The following RGS6 variants were observed in gnomAD, a reference collection of about 807,000 sequenced individuals.
RGS6 encodes the protein regulator of G protein signaling 6.
In RGS6, 30 loss-of-function variants were observed where a neutral mutation model predicts 78.5. The ratio of observed to expected loss-of-function variants is 0.38; its 90% CI spans 0.29 to 0.52. The LOEUF (loss-of-function observed/expected upper bound fraction) is 0.52, where lower values mean the gene tolerates loss of function less well. RGS6 is among the 20% of genes least tolerant of loss of function. The probability of loss-of-function intolerance (pLI) is 0.85; values close to 1 mark genes in which losing one functional copy is unlikely to be tolerated. For missense variants in RGS6, 495 were observed against 609.7 expected (o/e 0.81, Z 1.98); for synonymous variants, 206 against 206.0 (o/e 1.00, Z 0.00).
At chr14:72,045,105 C>A (rs2092729370) in intron 2 of RGS6, among the ~76,000 whole-genome samples, 1 of 152,174 alleles carries the variant, frequency 6.6e-6, no homozygotes, top group African/African-American at 2.4e-5. Flanking sequence ...ACTTCCCAGC[C>A]TCCATAATCA....
At chr14:72,247,719 A>G (rs1353519945) in intron 2 of RGS6, among the ~76,000 whole-genome samples, 2 of 152,220 alleles carry the variant, frequency 1.3e-5, no homozygotes, top group East Asian at 3.8e-4. Flanking sequence ...GATTAATGCC[A>G]TTATCTTGGG....
At chr14:71,869,926 C>T in the RGS6 span, among the ~76,000 whole-genome samples, 2 of 152,196 alleles carry the variant, frequency 1.3e-5, no homozygotes, top group Non-Finnish European at 2.9e-5. Context: ...GATGACATAG[C>T]AAGAAGTCGC....
Position 71,948,608 on chromosome 14 carries a change from G to A in RGS6, c.-21+15667G>A, listed in dbSNP as rs560341772. On this transcript the variant is annotated intron_variant, in intron 1 of 17. Coordinates refer to ENST00000553525, the MANE Select transcript of RGS6 (RefSeq NM_001204424.2). ...ATTTTCAAGCAGTAAACACATCCAT[G>A]TTATCTCTCTGAGATCAAGAAAGAG... 9.8e-4 allele frequency among the ~76,000 whole-genome samples: 149 copies of A among 152,164 alleles called. 1 individual carries two copies. The highest frequency in any genetic ancestry group is 3.4e-3 in the African/African-American group (140 of 41,518).
the RGS6 span, among the ~76,000 whole-genome samples, chr14:71,917,222 T>C: frequency 4.6e-5 from 7 of 152,206 alleles, no homozygotes; most frequent in Non-Finnish European, 8.8e-5. Context: ...TGGACTGTCC[T>C]GCCAGCTGTG....
At chr14:72,029,434 G>A (rs1279313390) in intron 2 of RGS6, among the ~76,000 whole-genome samples, 3 of 152,222 alleles carry the variant, frequency 2.0e-5, no homozygotes, top group Non-Finnish European at 4.4e-5. Context: ...AGTATCTAGA[G>A]TACCTCATGT....
intron 2 of RGS6, among the ~76,000 whole-genome samples, chr14:72,001,893 A>ATT (rs1566994305): frequency 1.0e-5 from 1 of 100,448 alleles, no homozygotes; most frequent in Non-Finnish European, 1.9e-5. Flanking sequence ...ACATCCATTA[A>ATT]TCTTTTTTTT....
chr14:72,362,141 C>T (rs78426066), intron 3 of RGS6, among the ~76,000 whole-genome samples: 2,666 of 152,034 alleles, frequency 0.018, 29 homozygotes, highest in Non-Finnish European at 0.026. Context: ...TAGTCACAGA[C>T]GATATAAAGA....
rs574159633 is a variant in RGS6 at position 72,093,379 on chromosome 14, A to C, written c.84+128504A>C. On this transcript the variant is annotated intron_variant, in intron 2 of 17. Transcript: ENST00000553525. ...TACCTCAGCCTCTTGAGTAGCTGGG[A>C]CTAAAGGTGCATGCCACCACGCCCA... Among the ~76,000 whole-genome samples the C allele has an allele frequency of 2.5e-3, 384 of 152,194 alleles. 2 individuals are homozygous for C. The highest frequency in any genetic ancestry group is 9.0e-3 in the African/African-American group (374 of 41,538).
At chr14:72,056,503 T>A (rs2093628591) in intron 2 of RGS6, among the ~76,000 whole-genome samples, 1 of 152,224 alleles carries the variant, frequency 6.6e-6, no homozygotes, top group Non-Finnish European at 1.5e-5. Context: ...TATTAAAAAT[T>A]GAGCTTGCAA....
chr14:72,285,139 T>C (rs895955525), intron 2 of RGS6, among the ~76,000 whole-genome samples: 1 of 152,190 alleles, frequency 6.6e-6, no homozygotes, highest in Non-Finnish European at 1.5e-5. Context: ...CTGTGGACTT[T>C]TGAGTTAATC....
At chr14:71,890,730 C>T in the RGS6 span, among the ~76,000 whole-genome samples, 29 of 152,154 alleles carry the variant, frequency 1.9e-4, no homozygotes, top group African/African-American at 6.3e-4. Context: ...ACCCACACAT[C>T]GCATGAGTCA....
chr14:72,420,917 C>T (rs901276681), intron 3 of RGS6: 1 of 152,164 alleles, frequency 6.6e-6, no homozygotes, highest in African/African-American at 2.4e-5. Flanking sequence ...AGCCTTGTGG[C>T]TTTCCAGAGC....
chr14:72,351,182 C>T (rs747271565), intron 2 of RGS6, among the ~76,000 whole-genome samples: 1 of 152,162 alleles, frequency 6.6e-6, no homozygotes, highest in African/African-American at 2.4e-5. Context: ...GAAAATAAAA[C>T]GTGATAATAC....
upstream of RGS6, among the ~76,000 whole-genome samples, chr14:71,930,102 T>G (rs900542092): frequency 6.6e-6 from 1 of 152,234 alleles, no homozygotes; most frequent in South Asian, 2.1e-4. Context: ...CTTTTAGGCC[T>G]TCTCAGTCGA....
At chr14:72,541,430 C>T (rs747788344) in intron 17 of RGS6, 64 of 1,526,912 alleles carry the variant, frequency 4.2e-5, no homozygotes, top group Middle Eastern at 1.7e-4. Context: ...TTCCCTTCCT[C>T]GGTCTTCCCT....
At chr14:72,442,381 TCACTGTTTCC>T (rs2095236497) in intron 3 of RGS6, among the ~76,000 whole-genome samples, 1 of 152,108 alleles carries the variant, frequency 6.6e-6, no homozygotes, top group African/African-American at 2.4e-5. Context: ...CAATCTCTTT[TCACTGTTTCC>T]CATTGATCCC....
chr14:72,474,141 C>T (rs545105759), intron 9 of RGS6: 2 of 152,410 alleles, frequency 1.3e-5, no homozygotes, highest in South Asian at 4.1e-4. Context: ...TTCACAAATG[C>T]AAAATTTGTA....
intron 2 of RGS6, among the ~76,000 whole-genome samples, chr14:72,008,749 T>C (rs2085081313): frequency 6.6e-6 from 1 of 152,186 alleles, no homozygotes; most frequent in Admixed American, 6.5e-5. Context: ...TGTGACCCTC[T>C]AGTTCCAATC....
At chr14:72,107,814 A>G (rs7149780) in intron 2 of RGS6, among the ~76,000 whole-genome samples, 13,537 of 152,174 alleles carry the variant, frequency 0.089, 723 homozygotes, top group East Asian at 0.11. Context: ...AGATTAGAAT[A>G]TGTCATAATT....
Sources: gnomAD v4.1 joint callset for allele counts (sites outside exome capture counted in the v4.1 genomes callset) on GRCh38, gnomAD v4.1.1 for gene constraint, MANE v1.5 for transcripts, NCBI Gene and HGNC (gene_info 2026-07-23, HGNC 2026-07-21) for gene names.